The following UBE4B variants were observed in gnomAD, a reference collection of about 807,000 sequenced individuals.
UBE4B encodes ubiquitination factor E4B, also known as ubiquitin conjugation factor E4 B.
UBE4B carries 27 observed loss-of-function variants against 148.1 expected under a neutral mutation model. The ratio of observed to expected loss-of-function variants is 0.18; its 90% confidence interval spans 0.13 to 0.25. The LOEUF (loss-of-function observed/expected upper bound fraction) is 0.25, where lower values mean the gene tolerates loss of function less well. UBE4B is among the 10% of genes least tolerant of loss of function. The pLI, the probability that UBE4B is intolerant of heterozygous loss-of-function variation, is 1.00. For missense variants in UBE4B, 1,170 were observed against 1,662.4 expected (o/e 0.70, Z 5.15); for synonymous variants, 596 against 619.3 (o/e 0.96, Z 0.56).
chr1:10,149,882 C>T (rs1004564661), intron 20 of UBE4B, among the ~76,000 whole-genome samples: 2 of 152,106 alleles, frequency 1.3e-5, no homozygotes, highest in African/African-American at 2.4e-5. Context: ...ATGCTGGGCA[C>T]TGTGGCTCAT....
intron 5 of UBE4B, 24 bp from the exon 6 acceptor site, chr1:10,105,492 T>C: frequency 6.2e-7 from 1 of 1,609,944 alleles, no homozygotes; most frequent in Non-Finnish European, 8.5e-7. Context: ...GTGTAACCTG[T>C]TCTTTGTTCT....
At chr1:10,123,212 C>A (rs1007721664) in intron 10 of UBE4B, among the ~76,000 whole-genome samples, 1 of 152,020 alleles carries the variant, frequency 6.6e-6, no homozygotes, top group Non-Finnish European at 1.5e-5. Flanking sequence ...GGATGGATCG[C>A]CTGAGGTCAG....
intron 7 of UBE4B, among the ~76,000 whole-genome samples, chr1:10,110,675 T>G: frequency 6.6e-6 from 1 of 152,186 alleles, no homozygotes; most frequent in East Asian, 1.9e-4. Context: ...GTGTTTGTTT[T>G]TTAACTGTAA....
At chr1:10,053,236 C>T (rs962495873) in intron 1 of UBE4B, among the ~76,000 whole-genome samples, 2 of 147,112 alleles carry the variant, frequency 1.4e-5, no homozygotes, top group African/African-American at 2.5e-5. Flanking sequence ...GCAAGCTCCA[C>T]CTCCCAGGTT....
chr1:10,095,584 C>T lies in UBE4B; in HGVS notation c.335C>T (p.Ser112Leu). The T allele has an allele frequency of 1.2e-6, 2 of 1,613,954 alleles. No individual in the cohort carries two copies. The highest frequency in any genetic ancestry group is 1.7e-6 in the Non-Finnish European group (2 of 1,179,988). The change falls in exon 3 of 28, where the codon TCA becomes TTA. Residue 112 changes from serine to leucine, a missense_variant. Physicochemically the swap from Ser to Leu is moderately radical, Grantham distance 145 (BLOSUM62 -2). Coordinates refer to ENST00000343090, the MANE Select transcript of UBE4B (RefSeq NM_001105562.3). ...RSQSMDIDGV[S>L]CEKSMSQVDV... ...CAGAGCATGGATATCGATGGTGTCTCATGTGAGAAAAGGTAAAATGAAGCC... is the reference window on the plus strand; with the variant it reads ...CAGAGCATGGATATCGATGGTGTCTTATGTGAGAAAAGGTAAAATGAAGCC...
chr1:10,111,198 G>A (rs1028805807), intron 7 of UBE4B, among the ~76,000 whole-genome samples: 1 of 149,238 alleles, frequency 6.7e-6, no homozygotes, highest in African/African-American at 2.5e-5. Flanking sequence ...TGCATCTCAC[G>A]TACACTCCAC....
chr1:10,048,039 G>A (rs1159502150), intron 1 of UBE4B, among the ~76,000 whole-genome samples: 1 of 152,054 alleles, frequency 6.6e-6, no homozygotes, highest in Non-Finnish European at 1.5e-5. Context: ...TTAGAGACGA[G>A]GGTCTCCCTG....
At chr1:10,157,434 C>T (rs1455569268) in intron 21 of UBE4B, among the ~76,000 whole-genome samples, 1 of 152,070 alleles carries the variant, frequency 6.6e-6, no homozygotes, top group Admixed American at 6.5e-5. Context: ...CCATTATTCA[C>T]ACCACTGCAC....
intron 21 of UBE4B, among the ~76,000 whole-genome samples, chr1:10,154,802 A>C (rs1646040306): frequency 6.6e-6 from 1 of 151,882 alleles, no homozygotes; most frequent in Non-Finnish European, 1.5e-5. Flanking sequence ...AGATCGTGCC[A>C]TTGCACTCCA....
chr1:10,068,663 T>C (rs1029332392), intron 1 of UBE4B, among the ~76,000 whole-genome samples: 1 of 152,138 alleles, frequency 6.6e-6, no homozygotes, highest in African/African-American at 2.4e-5. Context: ...TTTTTGTATT[T>C]TTAGTAGAGC....
chr1:10,033,844 G>T (rs1157890463), intron 1 of UBE4B, 150 bp downstream of exon 1: 2 of 796,792 alleles, frequency 2.5e-6, no homozygotes, highest in East Asian at 3.1e-5. Context: ...TCCCCGATAG[G>T]GTCTCTGGTT....
chr1:10,170,404 T>C (rs1646321960), intron 24 of UBE4B, among the ~76,000 whole-genome samples: 3 of 152,252 alleles, frequency 2.0e-5, no homozygotes, highest in Admixed American at 1.3e-4. Flanking sequence ...GAAAACCTTG[T>C]GACTTAAAGG....
chr1:10,124,448 A>G (rs762439364), intron 10 of UBE4B, among the ~76,000 whole-genome samples: 8 of 152,204 alleles, frequency 5.3e-5, no homozygotes, highest in Non-Finnish European at 1.0e-4. Context: ...TCGGCCTCCC[A>G]AAATGCTGGG....
At chr1:10,153,451 C>CTGCG (rs1046906377) in intron 21 of UBE4B, among the ~76,000 whole-genome samples, 1 of 134,226 alleles carries the variant, frequency 7.5e-6, no homozygotes, top group Non-Finnish European at 1.5e-5. Context: ...GATCTTGCTG[C>CTGCG]TGCGTTCCAG....
intron 18 of UBE4B, among the ~76,000 whole-genome samples, chr1:10,146,709 G>A (rs1024710830): frequency 6.6e-6 from 1 of 152,020 alleles, no homozygotes; most frequent in Non-Finnish European, 1.5e-5. Flanking sequence ...ACTTGTGACT[G>A]TTGGAACTCA....
At chr1:10,092,056 T>G (rs1343795277) in intron 2 of UBE4B, among the ~76,000 whole-genome samples, 1 of 151,886 alleles carries the variant, frequency 6.6e-6, no homozygotes, top group East Asian at 1.9e-4. Context: ...CATCAGTATT[T>G]TAAATTTAAG....
At chr1:10,149,007 T>G (rs748553424) in intron 19 of UBE4B, among the ~76,000 whole-genome samples, 177 bp from the exon 20 acceptor site, 5 of 152,200 alleles carry the variant, frequency 3.3e-5, no homozygotes, top group Non-Finnish European at 7.3e-5. Context: ...TGCACTGTCT[T>G]CATTATTCCC....
intron 23 of UBE4B, among the ~76,000 whole-genome samples, chr1:10,165,573 G>A (rs1451241090): frequency 6.6e-6 from 1 of 152,012 alleles, no homozygotes; most frequent in Non-Finnish European, 1.5e-5. Context: ...GGAGGACCTG[G>A]CCCCACAATG....
intron 1 of UBE4B, among the ~76,000 whole-genome samples, chr1:10,069,739 T>G (rs565612245): frequency 1.9e-4 from 29 of 152,228 alleles, no homozygotes; most frequent in African/African-American, 6.7e-4. Flanking sequence ...TTTGCCGTGT[T>G]GGCCAGGCTG....
Sources: allele counts gnomAD v4.1 joint callset (sites outside exome capture counted in the v4.1 genomes callset), GRCh38; gene constraint gnomAD v4.1.1; transcripts MANE v1.5; gene names NCBI Gene and HGNC (gene_info 2026-07-23, HGNC 2026-07-21).